NSMCE2: variants seen among roughly 807,000 people sequenced by gnomAD.
NSMCE2 encodes NSE2 SUMO ligase component of SMC5/6 complex, also known as E3 SUMO-protein ligase NSE2.
A neutral mutation model predicts 23.8 loss-of-function variants in NSMCE2; 24 were observed. The ratio of observed to expected loss-of-function variants is 1.01; its 90% CI spans 0.73 to 1.42. The LOEUF is 1.42. Ranked by LOEUF, NSMCE2 falls within the 40% of genes most tolerant of loss-of-function variation. The pLI is 0.00. For missense variants in NSMCE2, 284 were observed against 296.5 expected (o/e 0.96, Z 0.31); for synonymous variants, 92 against 94.1 (o/e 0.98, Z 0.13).
chr8:125,268,094 G>T (rs1248834484), intron 5 of NSMCE2, among the ~76,000 whole-genome samples: 1 of 151,586 alleles, frequency 6.6e-6, no homozygotes, highest in Non-Finnish European at 1.5e-5. Context: ...AATTAACTGG[G>T]CATGATGGTG....
intron 3 of NSMCE2, among the ~76,000 whole-genome samples, chr8:125,102,705 C>T (rs116018655): frequency 2.3e-3 from 351 of 152,162 alleles, no homozygotes; most frequent in African/African-American, 8.0e-3. Flanking sequence ...TGAGAAACTG[C>T]GCTAGAAATG....
chr8:125,239,698 A>G (rs913322709), intron 5 of NSMCE2, among the ~76,000 whole-genome samples: 1 of 152,016 alleles, frequency 6.6e-6, no homozygotes, highest in African/African-American at 2.4e-5. Context: ...GAAAAATCAT[A>G]CCACTTCCTT....
chr8:125,327,343 G>A (rs1829711135), intron 5 of NSMCE2, among the ~76,000 whole-genome samples: 1 of 151,186 alleles, frequency 6.6e-6, no homozygotes, highest in South Asian at 2.1e-4. Context: ...AATGAATGTA[G>A]TATAATTACC....
At chr8:125,271,789 CAT>C (rs1827204919) in intron 5 of NSMCE2, among the ~76,000 whole-genome samples, 1 of 152,172 alleles carries the variant, frequency 6.6e-6, no homozygotes, top group African/African-American at 2.4e-5. Flanking sequence ...ACTCTGTAAT[CAT>C]GTGTATGTTT....
chr8:125,103,943 C>G (rs1818323354), intron 3 of NSMCE2, among the ~76,000 whole-genome samples: 1 of 146,536 alleles, frequency 6.8e-6, no homozygotes, highest in Non-Finnish European at 1.5e-5. Context: ...TATGTTAATT[C>G]TGTCATCTCT....
intron 3 of NSMCE2, among the ~76,000 whole-genome samples, chr8:125,116,190 T>C (rs938135551): frequency 6.6e-6 from 1 of 152,230 alleles, no homozygotes; most frequent in African/African-American, 2.4e-5. Context: ...GCTTGTAATA[T>C]GAATTCTATT....
intron 5 of NSMCE2, among the ~76,000 whole-genome samples, chr8:125,316,578 C>CT (rs1829187900): frequency 6.6e-6 from 1 of 151,954 alleles, no homozygotes; most frequent in Admixed American, 6.6e-5. Context: ...TTCTTTCTTT[C>CT]TTTCTTTTCT....
intron 5 of NSMCE2, among the ~76,000 whole-genome samples, chr8:125,257,823 C>T (rs560293884): frequency 2.8e-4 from 43 of 152,186 alleles, no homozygotes; most frequent in African/African-American, 7.7e-4. Context: ...CGTGAGCCAC[C>T]GTGCCCGGCC....
intron 5 of NSMCE2, among the ~76,000 whole-genome samples, chr8:125,324,405 C>A (rs1424831101): frequency 1.3e-5 from 2 of 150,490 alleles, no homozygotes; most frequent in Non-Finnish European, 2.9e-5. Context: ...GGAAACAAGC[C>A]CAATATCCCG....
intron 4 of NSMCE2, chr8:125,155,964 A>G (rs1188573832): frequency 4.4e-6 from 2 of 453,990 alleles, no homozygotes; most frequent in East Asian, 7.1e-5. Flanking sequence ...TGTCATATAT[A>G]TTTAGCAATT....
chr8:125,240,911 T>A (rs1442613842), intron 5 of NSMCE2, among the ~76,000 whole-genome samples: 1 of 152,206 alleles, frequency 6.6e-6, no homozygotes, highest in Non-Finnish European at 1.5e-5. Context: ...TATTTATGGA[T>A]CCCAGCTGGG....
chr8:125,310,405 T>C (rs1213930783), intron 5 of NSMCE2, among the ~76,000 whole-genome samples: 1 of 152,198 alleles, frequency 6.6e-6, no homozygotes, highest in Non-Finnish European at 1.5e-5. Context: ...GAGTGGAGAA[T>C]GTTTGAAAGA....
chr8:125,333,170 T>C (rs892318875), intron 5 of NSMCE2, among the ~76,000 whole-genome samples: 33 of 148,258 alleles, frequency 2.2e-4, no homozygotes, highest in African/African-American at 7.6e-4. Flanking sequence ...TTTTTTTTTT[T>C]CTTTTTATCT....
intron 3 of NSMCE2, among the ~76,000 whole-genome samples, chr8:125,115,302 G>A (rs1181295597): frequency 6.6e-6 from 1 of 152,196 alleles, no homozygotes. Context: ...ATCTGACATT[G>A]AAGCAAATTT....
intron 5 of NSMCE2, among the ~76,000 whole-genome samples, chr8:125,216,140 G>A (rs750546378): frequency 2.6e-5 from 4 of 152,190 alleles, no homozygotes; most frequent in Non-Finnish European, 5.9e-5. Flanking sequence ...CTATGTTGTA[G>A]CATGTATTAC....
At chr8:125,312,076 A>T (rs79767000) in intron 5 of NSMCE2, among the ~76,000 whole-genome samples, 4 of 54,090 alleles carry the variant, frequency 7.4e-5, no homozygotes, top group African/African-American at 1.2e-4. Flanking sequence ...CATCTCAATT[A>T]AAAAAAAAAA....
chr8:125,333,704 G>A (rs560177132), intron 5 of NSMCE2, among the ~76,000 whole-genome samples: 44 of 151,246 alleles, frequency 2.9e-4, no homozygotes, highest in Non-Finnish European at 4.7e-4. Context: ...TAGTAGAGAC[G>A]GGGTTTCACC....
At chr8:125,201,981 A>G (rs1244354595) in intron 5 of NSMCE2, among the ~76,000 whole-genome samples, 1 of 152,164 alleles carries the variant, frequency 6.6e-6, no homozygotes, top group Non-Finnish European at 1.5e-5. Flanking sequence ...CTGCTGCGCT[A>G]GCAGTGAGCA....
At chr8:125,325,486 A>G (rs1248884877) in intron 5 of NSMCE2, among the ~76,000 whole-genome samples, 1 of 152,002 alleles carries the variant, frequency 6.6e-6, no homozygotes, top group African/African-American at 2.4e-5. Flanking sequence ...AGAAGCTGGA[A>G]CCACAAGCAC....
Sources: allele counts gnomAD v4.1 joint callset (sites outside exome capture counted in the v4.1 genomes callset), GRCh38; gene constraint gnomAD v4.1.1; transcripts MANE v1.5; gene names NCBI Gene and HGNC (gene_info 2026-07-23, HGNC 2026-07-21).